The following BMS1 variants were observed in gnomAD, a reference collection of about 807,000 sequenced individuals.
BMS1 encodes BMS1 ribosome biogenesis factor.
BMS1 carries 53 observed loss-of-function variants against 138.7 expected under a neutral mutation model. The observed-to-expected ratio is 0.38, with a 90% CI of 0.31 to 0.48. The LOEUF (loss-of-function observed/expected upper bound fraction) is 0.48. Among genes scored for constraint, BMS1 ranks in the 20% least tolerant of loss-of-function variants. BMS1 has a pLI of 0.97. For missense variants in BMS1, 1,360 were observed against 1,565.5 expected (o/e 0.87, Z 2.22); for synonymous variants, 504 against 539.9 (o/e 0.93, Z 0.92).
At chr10:42,828,613 G>GTTT (rs201097662) in intron 21 of BMS1, among the ~76,000 whole-genome samples, 1 of 145,900 alleles carries the variant, frequency 6.9e-6, no homozygotes. Flanking sequence ...GGCCTCTTCA[G>GTTT]TTTTTTTTTT....
At chr10:42,798,417 T>A (rs1341745106) in intron 11 of BMS1, 51 bp from the exon 12 acceptor site, 2 of 1,610,772 alleles carry the variant, frequency 1.2e-6, no homozygotes, top group Non-Finnish European at 1.7e-6. Flanking sequence ...TGATGAGTCC[T>A]CTAGGGCTGT....
chr10:42,790,666 A>G (rs1841476402), intron 5 of BMS1, among the ~76,000 whole-genome samples, 155 bp downstream of exon 5: 1 of 152,126 alleles, frequency 6.6e-6, no homozygotes, highest in South Asian at 2.1e-4. Context: ...TCAGGGCAAC[A>G]TGACCAAACC....
rs1842359576 is a variant in BMS1 at position 42,816,688 on chromosome 10, A to G, written c.2403+16A>G. 6.2e-7 allele frequency: 1 copy of G among 1,603,658 alleles called. No homozygotes were observed. The highest frequency in any genetic ancestry group is 1.1e-5 in the South Asian group (1 of 89,748). The stretch of plus-strand genomic sequence containing the variant: ...CAATACTCAGGTATGACTTTGTCGT[A>G]GCTGGCTGTTCTTGGTCATTGTGTT... On this transcript the variant is annotated intron_variant, in intron 14 of 22. Transcript: ENST00000374518.
At chr10:42,827,311 A>G (rs1370263778) in intron 21 of BMS1, among the ~76,000 whole-genome samples, 6 of 152,160 alleles carry the variant, frequency 3.9e-5, no homozygotes, top group Non-Finnish European at 8.8e-5. Flanking sequence ...TTTTTATAAA[A>G]TAAGTTACCG....
chr10:42,786,779 T>C (rs565768556), intron 3 of BMS1, among the ~76,000 whole-genome samples: 14 of 152,172 alleles, frequency 9.2e-5, no homozygotes, highest in South Asian at 2.1e-4. Flanking sequence ...ATTATTGTTA[T>C]GAATATTCTG....
rs1348567593 is a variant in BMS1 at position 42,798,535 on chromosome 10, C to T, written c.2157C>T (p.Asn719=). The T allele has an allele frequency of 6.2e-7, 1 of 1,614,218 alleles. No homozygotes were observed. Among genetic ancestry groups the T allele is most frequent in the African/African-American group, 1.3e-5 (1 of 75,054 alleles). Residue 719 remains asparagine (N), a synonymous_variant, in exon 12 of 23, where the codon AAC becomes AAT. Transcript: ENST00000374518. ...LEELGGLFRV[N]QPDRECKHKA... is the part of the protein sequence containing the mutation. The stretch of plus-strand genomic sequence containing the variant: ...AGCTTGGAGGGTTGTTTCGTGTCAA[C>T]CAGCCTGACAGAGAGTGTAAGCACA...
At chr10:42,830,556 C>T in intron 22 of BMS1, 134 bp downstream of exon 22, 1 of 1,255,988 alleles carries the variant, frequency 8.0e-7, no homozygotes. Context: ...GAGCCAGAGT[C>T]CATTTCCCTT....
At position 42,814,172 on chromosome 10, in the gene BMS1, T is replaced by G. The variant is rs1842268422; in HGVS notation, c.2330-2427T>G. ...AAATGTGGGAAGCGTCAGGAATTAG[T>G]TATTTGCATGCTTTTGCAGCTCTGG... is the stretch of plus-strand genomic sequence containing the variant. On this transcript the variant is annotated intron_variant, in intron 13 of 22. Transcript: ENST00000374518. Among the ~76,000 whole-genome samples the G allele has an allele frequency of 4.6e-5, 7 of 152,242 alleles. No individual in the cohort carries two copies. The South Asian group carries it at 1.4e-3, about 32-fold the overall frequency.
At chr10:42,794,490 A>C (rs1589135705) in intron 9 of BMS1, among the ~76,000 whole-genome samples, 1 of 151,354 alleles carries the variant, frequency 6.6e-6, no homozygotes, top group South Asian at 2.1e-4. Context: ...TTTGCAAAAC[A>C]TTGGTTTTGT....
chr10:42,806,099 A>G (rs1842004376), intron 13 of BMS1, among the ~76,000 whole-genome samples: 1 of 152,074 alleles, frequency 6.6e-6, no homozygotes, highest in South Asian at 2.1e-4. Flanking sequence ...CTAAGTAAAT[A>G]CTTCTTACTA....
intron 21 of BMS1, among the ~76,000 whole-genome samples, chr10:42,826,562 T>C (rs561496481): frequency 1.8e-4 from 27 of 152,302 alleles, no homozygotes; most frequent in African/African-American, 6.0e-4. Context: ...GTGCAGCAAC[T>C]ACTTCTCTCC....
At chr10:42,803,977 T>C (rs1485757821) in intron 13 of BMS1, among the ~76,000 whole-genome samples, 2 of 152,230 alleles carry the variant, frequency 1.3e-5, no homozygotes, top group African/African-American at 4.8e-5. Flanking sequence ...TAGAATTTAA[T>C]TGAAATGGGA....
At chr10:42,821,086 A>T in intron 18 of BMS1, 94 bp downstream of exon 18, 1 of 1,052,946 alleles carries the variant, frequency 9.5e-7, no homozygotes, top group South Asian at 1.4e-5. Flanking sequence ...GTTGAAAATT[A>T]CTCATTTTTA....
Position 42,820,531 on chromosome 10 carries a change from G to T in BMS1, c.2793G>T (p.Trp931Cys), listed in dbSNP as rs764487805. Residue 931 changes from tryptophan (W) to cysteine (C), a missense_variant, in exon 17 of 23, where the codon TGG (tryptophan) becomes TGT (cysteine). This residue lies in a region of BMS1 where 425 missense variants were observed against 568.3 expected (regional missense o/e 0.75). Coordinates refer to ENST00000374518, the MANE Select transcript of BMS1 (RefSeq NM_014753.4). The stretch of plus-strand genomic sequence containing the variant: ...AGATGCGTCTGAAGAAACATCGCTG[G>T]TATAAGAAAATCCTCAAGTCCCGAG... ...YVQMRLKKHR[W>C]YKKILKSRDP... 5 of 1,610,194 alleles carry T rather than the reference G, an allele frequency of 3.1e-6. No individual in the cohort carries two copies. The Admixed American group carries it at 8.4e-5, about 27-fold the overall frequency.
chr10:42,802,359 A>G, intron 13 of BMS1, 141 bp downstream of exon 13: 2 of 649,378 alleles, frequency 3.1e-6, no homozygotes, highest in Non-Finnish European at 4.9e-6. Flanking sequence ...TGAACCAGGT[A>G]ATATTCTGGG....
chr10:42,798,233 C>T (rs1418120322), intron 11 of BMS1, among the ~76,000 whole-genome samples: 1 of 152,178 alleles, frequency 6.6e-6, no homozygotes, highest in Admixed American at 6.5e-5. Flanking sequence ...TTAGCTGCTC[C>T]CGTGCAGGAG....
chr10:42,793,661 T>A (rs1023347977), intron 8 of BMS1, among the ~76,000 whole-genome samples, 191 bp from the exon 9 acceptor site: 1 of 152,192 alleles, frequency 6.6e-6, no homozygotes, highest in Non-Finnish European at 1.5e-5. Context: ...TCCCTGAACT[T>A]TGGAAAAGTT....
At chr10:42,798,936 G>A (rs553782602) in intron 12 of BMS1, among the ~76,000 whole-genome samples, 7 of 152,252 alleles carry the variant, frequency 4.6e-5, no homozygotes, top group African/African-American at 1.4e-4. Context: ...TTATCACTAG[G>A]ATATATGTAG....
chr10:42,797,415 G>A lies in BMS1; in HGVS notation c.1988-7G>A, dbSNP rs771415391. The A allele has an allele frequency of 1.2e-5, 20 of 1,613,894 alleles. No homozygotes were observed. Among genetic ancestry groups the A allele is most frequent in the Admixed American group, 6.7e-5 (4 of 59,984 alleles). ...GCCTAACTGGAGGTTGGCATTGGTC[G>A]TTTCAGGTGCCCTCAAGTGGAAGGA... On this transcript the variant is annotated splice_polypyrimidine_tract_variant and splice_region_variant and intron_variant, in intron 10 of 22. Transcript: ENST00000374518.
Sources: gnomAD v4.1 joint callset for allele counts (sites outside exome capture counted in the v4.1 genomes callset) on GRCh38, gnomAD v4.1.1 for gene constraint, gnomAD v4.1.1 regional missense constraint, MANE v1.5 for transcripts, NCBI Gene and HGNC (gene_info 2026-07-23, HGNC 2026-07-21) for gene names.